The following ANO10 variants were observed in gnomAD, a reference collection of about 807,000 sequenced individuals.
The protein encoded by ANO10 is anoctamin 10.
ANO10 carries 77 observed loss-of-function variants against 74.7 expected under a neutral mutation model. The ratio of observed to expected loss-of-function variants is 1.03; its 90% CI spans 0.86 to 1.25. The LOEUF (loss-of-function observed/expected upper bound fraction) is 1.25. Ranked by LOEUF, ANO10 falls within the 50% of genes most tolerant of loss-of-function variation. The pLI, the probability that ANO10 is intolerant of heterozygous loss-of-function variation, is 0.00. For synonymous variants in ANO10, 279 were observed against 284.9 expected, an observed-to-expected ratio of 0.98 and a Z score of 0.21; for missense variants, 721 against 778.1, an observed-to-expected ratio of 0.93 and a Z score of 0.87.
intron 1 of ANO10, among the ~76,000 whole-genome samples, chr3:43,680,310 T>C (rs533532257): frequency 1.3e-5 from 2 of 152,318 alleles, no homozygotes; most frequent in South Asian, 4.1e-4. Context: ...AGTAGCCAAT[T>C]TGATCAACTG....
At chr3:43,656,751 G>C (rs1341639570) in intron 1 of ANO10, among the ~76,000 whole-genome samples, 1 of 152,242 alleles carries the variant, frequency 6.6e-6, no homozygotes, top group African/African-American at 2.4e-5. Context: ...CGCCCACCTG[G>C]AACTCCAGCT....
chr3:43,388,594 C>T (rs2092192627), intron 12 of ANO10, among the ~76,000 whole-genome samples: 1 of 152,142 alleles, frequency 6.6e-6, no homozygotes, highest in African/African-American at 2.4e-5. Context: ...TTAAAAAGTT[C>T]TGATTTTTCC....
chr3:43,371,243 G>A (rs888765552), intron 12 of ANO10, among the ~76,000 whole-genome samples: 6 of 152,012 alleles, frequency 3.9e-5, no homozygotes, highest in African/African-American at 1.5e-4. Flanking sequence ...AATCCCATGC[G>A]TCATCAGTTA....
At chr3:43,539,984 T>C (rs2078885934) in intron 11 of ANO10, among the ~76,000 whole-genome samples, 1 of 152,186 alleles carries the variant, frequency 6.6e-6, no homozygotes, top group Admixed American at 6.6e-5. Flanking sequence ...GGATGTTAAC[T>C]AAGTCATATT....
At chr3:43,416,771 C>G (rs1345311607) in intron 12 of ANO10, among the ~76,000 whole-genome samples, 1 of 152,184 alleles carries the variant, frequency 6.6e-6, no homozygotes, top group Admixed American at 6.5e-5. Context: ...ACAGGATCCC[C>G]CATCCATTCC....
intron 12 of ANO10, among the ~76,000 whole-genome samples, chr3:43,393,740 T>C (rs570032317): frequency 1.1e-3 from 173 of 152,296 alleles, no homozygotes; most frequent in African/African-American, 4.1e-3. Context: ...TCTGGGATGT[T>C]ACAAAAGGTG....
At chr3:43,643,919 C>T (rs1389457026) in intron 1 of ANO10, among the ~76,000 whole-genome samples, 2 of 152,056 alleles carry the variant, frequency 1.3e-5, no homozygotes, top group Non-Finnish European at 2.9e-5. Context: ...CTCCTAACCT[C>T]ATGATCCGCC....
At chr3:43,650,008 CGTAA>C (rs2083770564) in intron 1 of ANO10, among the ~76,000 whole-genome samples, 2 of 151,558 alleles carry the variant, frequency 1.3e-5, no homozygotes, top group African/African-American at 4.9e-5. Flanking sequence ...CCATGTACGG[CGTAA>C]GTGTTAACAA....
rs188443010 is a variant in ANO10, at chr3:43,577,178, C to T, written c.676G>A (p.Ala226Thr). The change falls in exon 6 of 13, where the codon GCT (alanine) becomes ACT (threonine). Residue 226 changes from alanine (A) to threonine (T), a missense_variant. Transcript: ENST00000292246. ...EYFTFALIPMAVIGLPYYLFV... is the reference protein window; with the variant it reads ...EYFTFALIPMTVIGLPYYLFV... ...AAGTAGTAAGGTAACCCAATGACAG[C>T]CATGGGGATTAATGCAAAAGTGAAA... 1.2e-5 allele frequency: 20 copies of T among 1,614,114 alleles called. No individual in the cohort carries two copies. The East Asian group carries it at 4.5e-4, about 36-fold the overall frequency.
intron 12 of ANO10, among the ~76,000 whole-genome samples, chr3:43,379,899 A>G (rs894111228): frequency 6.6e-6 from 1 of 152,250 alleles, no homozygotes; most frequent in Non-Finnish European, 1.5e-5. Flanking sequence ...AGGAGGCACC[A>G]GAGAAAGGCG....
At chr3:43,465,040 AT>A (rs2075554476) in intron 11 of ANO10, among the ~76,000 whole-genome samples, 1 of 152,260 alleles carries the variant, frequency 6.6e-6, no homozygotes, top group Admixed American at 6.5e-5. Flanking sequence ...GAACCTATAG[AT>A]TATAAATGAA....
upstream of ANO10, among the ~76,000 whole-genome samples, chr3:43,622,514 C>T (rs2083442715): frequency 6.6e-6 from 1 of 152,250 alleles, no homozygotes; most frequent in South Asian, 2.1e-4. Flanking sequence ...GAACAAGTCT[C>T]ATTTTAACTG....
chr3:43,616,273 C>T (rs1477709585), intron 1 of ANO10, among the ~76,000 whole-genome samples: 2 of 152,150 alleles, frequency 1.3e-5, no homozygotes, highest in Non-Finnish European at 2.9e-5. Flanking sequence ...GTTACTCAGA[C>T]CCAAAGTCAC....
chr3:43,622,373 C>G (rs916521186), upstream of ANO10, among the ~76,000 whole-genome samples: 1 of 152,212 alleles, frequency 6.6e-6, no homozygotes, highest in Non-Finnish European at 1.5e-5. Flanking sequence ...TCACTCCGAG[C>G]CGGGGCGGCA....
intron 1 of ANO10, among the ~76,000 whole-genome samples, chr3:43,679,681 G>A (rs1039024447): frequency 1.3e-5 from 2 of 152,182 alleles, no homozygotes; most frequent in Non-Finnish European, 2.9e-5. Context: ...CTAACTGGGA[G>A]GCATCCCCCA....
chr3:43,610,859 C>A (rs1441569501), intron 1 of ANO10, among the ~76,000 whole-genome samples: 2 of 152,146 alleles, frequency 1.3e-5, no homozygotes, highest in African/African-American at 2.4e-5. Flanking sequence ...CCTTTCCAAT[C>A]TGTAAAAATG....
At position 43,389,542 on chromosome 3, in the gene ANO10, G is replaced by T. The variant is rs191320946; in HGVS notation, c.1915-22568C>A. 2.9e-3 allele frequency among the ~76,000 whole-genome samples: 441 copies of T among 152,274 alleles called. 1 individual carries two copies. Among genetic ancestry groups the T allele is most frequent in the African/African-American group, 0.01 (425 of 41,558 alleles). ...TATTTCCGTAAGTCATTTCAGAGAA[G>T]TCAAACAAACAAGCTTGCACCAAAT... is the stretch of plus-strand genomic sequence containing the variant. On this transcript the variant is annotated intron_variant, in intron 12 of 12. Transcript: ENST00000292246.
chr3:43,406,625 T>C (rs935238541), intron 12 of ANO10, among the ~76,000 whole-genome samples: 1 of 152,206 alleles, frequency 6.6e-6, no homozygotes, highest in East Asian at 1.9e-4. Flanking sequence ...TGACAAAGCA[T>C]GCAGAACTCA....
chr3:43,683,161 T>C (rs1014410742), intron 1 of ANO10, among the ~76,000 whole-genome samples: 1 of 152,228 alleles, frequency 6.6e-6, no homozygotes, highest in Admixed American at 6.5e-5. Flanking sequence ...GCAGATGACA[T>C]GATTGTATAT....
Sources: allele counts gnomAD v4.1 joint callset (sites outside exome capture counted in the v4.1 genomes callset), GRCh38; gene constraint gnomAD v4.1.1; transcripts MANE v1.5; gene names NCBI Gene and HGNC (gene_info 2026-07-23, HGNC 2026-07-21).